Variants in SLC35F4 observed in about 807,000 individuals in gnomAD.
SLC35F4 encodes chromosome 14 open reading frame 36.
SLC35F4 carries 24 observed loss-of-function variants against 44.2 expected under a neutral mutation model. That is an observed-to-expected ratio of 0.54 (90% CI 0.39 to 0.76). The LOEUF (loss-of-function observed/expected upper bound fraction) is 0.76, where lower values mean the gene tolerates loss of function less well. Ranked by LOEUF, SLC35F4 falls within the 30% of genes least tolerant of loss-of-function variation. The probability of loss-of-function intolerance (pLI) is 0.00; values close to 1 mark genes in which losing one functional copy is unlikely to be tolerated. For missense variants in SLC35F4, 562 were observed against 586.1 expected, an observed-to-expected ratio of 0.96 and a Z score of 0.42; for synonymous variants, 238 against 223.6, an observed-to-expected ratio of 1.06 and a Z score of -0.57.
At chr14:57,770,117 T>G (rs62003428) in intron 1 of SLC35F4, among the ~76,000 whole-genome samples, 5,240 of 152,236 alleles carry the variant, frequency 0.034, 133 homozygotes, top group South Asian at 0.059. Context: ...AGGTGACTCC[T>G]CTGGATCAGT....
chr14:57,889,063 C>A (rs2141037705), intron 1 of SLC35F4, among the ~76,000 whole-genome samples: 1 of 152,278 alleles, frequency 6.6e-6, no homozygotes. Context: ...TTGAAATAAT[C>A]ACTCTGGGTT....
chr14:57,675,618 T>C (rs1015360271), intron 1 of SLC35F4, among the ~76,000 whole-genome samples: 1 of 152,078 alleles, frequency 6.6e-6, no homozygotes, highest in Non-Finnish European at 1.5e-5. Context: ...GCTTTCAGCT[T>C]TTCTCCATTC....
intron 2 of SLC35F4, among the ~76,000 whole-genome samples, chr14:57,590,402 T>A (rs967356588): frequency 6.6e-6 from 1 of 151,586 alleles, no homozygotes; most frequent in African/African-American, 2.4e-5. Flanking sequence ...CTAAAAAAAA[T>A]GCAACAGAGA....
intron 1 of SLC35F4, among the ~76,000 whole-genome samples, chr14:57,756,351 G>A (rs956195254): frequency 3.3e-5 from 5 of 151,926 alleles, no homozygotes; most frequent in African/African-American, 9.7e-5. Context: ...AAGTGTGTTA[G>A]TCTCCAAATA....
chr14:57,664,171 A>G (rs1195534947), intron 1 of SLC35F4, among the ~76,000 whole-genome samples: 4 of 152,182 alleles, frequency 2.6e-5, no homozygotes, highest in Non-Finnish European at 5.9e-5. Flanking sequence ...CAGTTACCAG[A>G]GACAGATGTG....
intron 1 of SLC35F4, among the ~76,000 whole-genome samples, chr14:57,640,553 T>G (rs1276846245): frequency 6.6e-6 from 1 of 151,988 alleles, no homozygotes; most frequent in Non-Finnish European, 1.5e-5. Flanking sequence ...ATGTGCCAAA[T>G]AGTACTTCAA....
chr14:57,968,807 G>C (rs994783328), intron 1 of SLC35F4, among the ~76,000 whole-genome samples: 5 of 152,094 alleles, frequency 3.3e-5, no homozygotes, highest in Non-Finnish European at 5.9e-5. Context: ...ATCTTTGAAG[G>C]CCAAAAATTA....
chr14:57,853,946 A>C (rs1390478528), intron 1 of SLC35F4, among the ~76,000 whole-genome samples: 1 of 152,196 alleles, frequency 6.6e-6, no homozygotes, highest in Non-Finnish European at 1.5e-5. Flanking sequence ...GAAACCAAAC[A>C]AACCATCACT....
chr14:57,935,318 T>C (rs948480611), intron 1 of SLC35F4, among the ~76,000 whole-genome samples: 2 of 152,234 alleles, frequency 1.3e-5, no homozygotes, highest in South Asian at 2.1e-4. Flanking sequence ...AACTAGGGAA[T>C]ACAGTTTTCC....
At position 57,953,711 on chromosome 14, in the gene SLC35F4, C is replaced by T. The variant is rs1477645396; in HGVS notation, n.282+28202G>A. On this transcript the variant is annotated intron_variant and non_coding_transcript_variant, in intron 1 of 1. Coordinates refer to the SLC35F4 transcript ENST00000556568. ...TTACATAATTGTAAAGGTATCAATGCAACAAGAAGACCTAACTGTCCTAAA... is the reference window on the plus strand; with the variant it reads ...TTACATAATTGTAAAGGTATCAATGTAACAAGAAGACCTAACTGTCCTAAA... 2.6e-5 allele frequency among the ~76,000 whole-genome samples: 4 copies of T among 152,258 alleles called. No individual in the cohort carries two copies. The East Asian group carries it at 7.7e-4, about 29-fold the overall frequency.
rs1419998016 is a variant in SLC35F4 at position 57,582,956 on chromosome 14, G to A, written c.588-1523C>T. On this transcript the variant is annotated intron_variant, in intron 3 of 7. Coordinates refer to ENST00000556826, the MANE Select transcript of SLC35F4 (RefSeq NM_001306087.2). ...TGACTTTCAACTGGATGAGAATGTTGGGAGTTGCAGGTCACCGGTTCCAGG... is the reference window on the plus strand; with the variant it reads ...TGACTTTCAACTGGATGAGAATGTTAGGAGTTGCAGGTCACCGGTTCCAGG... Among the ~76,000 whole-genome samples, 3 of 152,180 alleles carry A rather than the reference G, an allele frequency of 2.0e-5. No individual in the cohort carries two copies. The East Asian group carries it at 5.8e-4, about 29-fold the overall frequency.
chr14:57,945,615 T>C (rs1164864013), intron 1 of SLC35F4, among the ~76,000 whole-genome samples: 12 of 152,040 alleles, frequency 7.9e-5, no homozygotes, highest in Non-Finnish European at 1.8e-4. Context: ...TGTAATGACT[T>C]CTTTTCCCCT....
intron 1 of SLC35F4, among the ~76,000 whole-genome samples, chr14:57,967,139 C>T (rs1255331714): frequency 6.6e-6 from 1 of 152,016 alleles, no homozygotes; most frequent in Non-Finnish European, 1.5e-5. Flanking sequence ...TTACTTTTCT[C>T]CCTTTGACTT....
At chr14:57,790,595 A>G (rs1383666695) in intron 1 of SLC35F4, among the ~76,000 whole-genome samples, 1 of 152,200 alleles carries the variant, frequency 6.6e-6, no homozygotes, top group Admixed American at 6.5e-5. Flanking sequence ...TCTTCTCATC[A>G]AGCTACCATT....
chr14:57,895,436 C>T (rs1888850255), intron 1 of SLC35F4, among the ~76,000 whole-genome samples: 1 of 152,178 alleles, frequency 6.6e-6, no homozygotes, highest in South Asian at 2.1e-4. Context: ...AAATCTCATG[C>T]TAAATTGAAG....
chr14:57,692,061 G>A (rs1039087435), intron 1 of SLC35F4, among the ~76,000 whole-genome samples: 1 of 152,160 alleles, frequency 6.6e-6, no homozygotes, highest in Non-Finnish European at 1.5e-5. Context: ...AGATTGTGAT[G>A]AGATCATGAT....
chr14:57,726,370 A>T (rs1363632578), intron 1 of SLC35F4, among the ~76,000 whole-genome samples: 1 of 152,224 alleles, frequency 6.6e-6, no homozygotes, highest in East Asian at 1.9e-4. Context: ...TAGTAGAAGA[A>T]GGTAGTCATC....
At chr14:57,685,791 G>C (rs1481976500) in intron 1 of SLC35F4, among the ~76,000 whole-genome samples, 1 of 152,108 alleles carries the variant, frequency 6.6e-6, no homozygotes, top group Non-Finnish European at 1.5e-5. Context: ...GTATTTATTT[G>C]TTTGTTAGAG....
At chr14:57,634,231 C>A (rs971144614) in intron 1 of SLC35F4, among the ~76,000 whole-genome samples, 2 of 152,060 alleles carry the variant, frequency 1.3e-5, no homozygotes, top group African/African-American at 4.8e-5. Flanking sequence ...TCACCTATCT[C>A]ATTAATAAAA....
Sources: gnomAD v4.1 joint callset for allele counts (sites outside exome capture counted in the v4.1 genomes callset) on GRCh38, gnomAD v4.1.1 for gene constraint, MANE v1.5 for transcripts, NCBI Gene and HGNC (gene_info 2026-07-23, HGNC 2026-07-21) for gene names.